The following MITF variants were observed in gnomAD, a reference collection of about 807,000 sequenced individuals.
MITF encodes the protein microphthalmia-associated transcription factor.
Under a neutral mutation model 60.5 loss-of-function variants are expected in MITF, and 17 were observed. The ratio of observed to expected loss-of-function variants is 0.28; its 90% CI spans 0.19 to 0.42. The LOEUF is 0.42. Ranked by LOEUF, MITF falls within the 10% of genes least tolerant of loss-of-function variation. MITF has a pLI of 1.00. For synonymous variants in MITF, 260 were observed against 248.5 expected (o/e 1.05, Z -0.43); for missense variants, 622 against 683.5 (o/e 0.91, Z 1.00).
chr3:69,937,045 G>A, intron 2 of MITF: 1 of 295,486 alleles, frequency 3.4e-6, no homozygotes, highest in Non-Finnish European at 6.2e-6. Context: ...CAAGAAAAAA[G>A]TGACTTAAAA....
At chr3:69,946,739 G>A (rs1179484846) in intron 5 of MITF, among the ~76,000 whole-genome samples, 1 of 152,188 alleles carries the variant, frequency 6.6e-6, no homozygotes, top group East Asian at 1.9e-4. Context: ...TCAACTGGAA[G>A]TAATGATGTC....
At chr3:69,881,148 T>C (rs1412083879) in intron 2 of MITF, among the ~76,000 whole-genome samples, 1 of 152,134 alleles carries the variant, frequency 6.6e-6, no homozygotes, top group Non-Finnish European at 1.5e-5. Flanking sequence ...TGTTGCTGTG[T>C]CCTGGTGACA....
chr3:69,895,810 G>GTT (rs1286162426), intron 2 of MITF, among the ~76,000 whole-genome samples: 2 of 97,494 alleles, frequency 2.1e-5, no homozygotes, highest in East Asian at 6.6e-4. Flanking sequence ...TGGAGTGTTT[G>GTT]TGTGTGTGTG....
intron 2 of MITF, among the ~76,000 whole-genome samples, chr3:69,909,386 C>G (rs776294294): frequency 6.6e-6 from 1 of 152,068 alleles, no homozygotes; most frequent in Non-Finnish European, 1.5e-5. Flanking sequence ...TGAAAATGGA[C>G]TAATAGAGTA....
intron 1 of MITF, among the ~76,000 whole-genome samples, chr3:69,822,485 T>G (rs1315816014): frequency 6.6e-6 from 1 of 152,098 alleles, no homozygotes; most frequent in Non-Finnish European, 1.5e-5. Context: ...ACTGGGGAAA[T>G]GAAGTGTAAA....
intron 2 of MITF, among the ~76,000 whole-genome samples, chr3:69,890,569 T>G (rs1302659974): frequency 6.6e-6 from 1 of 152,154 alleles, no homozygotes; most frequent in Non-Finnish European, 1.5e-5. Flanking sequence ...AAACTAGGTT[T>G]TTTTGGTGGG....
Position 69,778,240 on chromosome 3 carries a change from G to C in MITF, c.104+38539G>C, listed in dbSNP as rs891726383. Among the ~76,000 whole-genome samples the C allele has an allele frequency of 3.3e-5, 5 of 152,260 alleles. No individual in the cohort carries two copies. The East Asian group carries it at 9.7e-4, about 29-fold the overall frequency. Reference sequence around the variant, plus strand: ...GATGAGGCTCTTGGTAGACAAAACAGATTGGGGAGGATGAATATTAATTCT... The same window carrying C: ...GATGAGGCTCTTGGTAGACAAAACACATTGGGGAGGATGAATATTAATTCT... On this transcript the variant is annotated intron_variant, in intron 1 of 9. Transcript: ENST00000352241.
chr3:69,885,740 A>G (rs1230907330), intron 2 of MITF, among the ~76,000 whole-genome samples: 1 of 152,246 alleles, frequency 6.6e-6, no homozygotes, highest in East Asian at 1.9e-4. Flanking sequence ...ACTAATGAAT[A>G]AAAGATTGAG....
intron 2 of MITF, 77 bp from the exon 3 acceptor site, chr3:69,937,745 T>C: frequency 1.6e-6 from 2 of 1,229,352 alleles, no homozygotes; most frequent in Non-Finnish European, 2.4e-6. Context: ...CAGTTTCATG[T>C]TTGTGCCTGA....
At chr3:69,944,036 A>T (rs1242260976) in intron 5 of MITF, among the ~76,000 whole-genome samples, 2 of 152,140 alleles carry the variant, frequency 1.3e-5, no homozygotes, top group Admixed American at 6.6e-5. Context: ...CAAGGATGCA[A>T]TGAATCATGA....
intron 1 of MITF, among the ~76,000 whole-genome samples, chr3:69,876,454 CCTT>C (rs1029162096): frequency 6.6e-6 from 1 of 151,252 alleles, no homozygotes; most frequent in African/African-American, 2.4e-5. Flanking sequence ...TCACAGCTCT[CCTT>C]CTTTTCTTGG....
At chr3:69,753,329 G>C (rs1429096184) in intron 1 of MITF, among the ~76,000 whole-genome samples, 1 of 152,244 alleles carries the variant, frequency 6.6e-6, no homozygotes, top group African/African-American at 2.4e-5. Flanking sequence ...GAGGATGTAT[G>C]GAAAAACTTG....
chr3:69,938,678 T>C, intron 3 of MITF: 14 of 1,315,550 alleles, frequency 1.1e-5, no homozygotes, highest in Non-Finnish European at 1.4e-5. Flanking sequence ...TCAAGCTAAT[T>C]GGTGCATCAA....
At chr3:69,790,974 C>T (rs938923805) in intron 1 of MITF, among the ~76,000 whole-genome samples, 9 of 152,346 alleles carry the variant, frequency 5.9e-5, no homozygotes, top group Admixed American at 2.0e-4. Context: ...GGTGGATGCT[C>T]TGCGAGCTCC....
Position 69,888,815 on chromosome 3 carries a change from C to G in MITF, c.354+9432C>G, listed in dbSNP as rs540156867. ...CCCCCCTATTAACTTTGTTGCCTTT[C>G]CTTTTGCCCCATTCAGCATTTTACT... On this transcript the variant is annotated intron_variant, in intron 2 of 9. Transcript: ENST00000352241. Among the ~76,000 whole-genome samples the G allele has an allele frequency of 2.6e-5, 4 of 152,078 alleles. 1 individual carries two copies. The highest frequency in any genetic ancestry group is 9.6e-5 in the African/African-American group (4 of 41,516).
intron 1 of MITF, among the ~76,000 whole-genome samples, chr3:69,802,610 T>G (rs1424508369): frequency 6.6e-6 from 1 of 152,000 alleles, no homozygotes; most frequent in African/African-American, 2.4e-5. Context: ...ATTTGTGTAT[T>G]GAATCATTAT....
At chr3:69,894,324 T>C (rs2064824930) in intron 2 of MITF, among the ~76,000 whole-genome samples, 1 of 152,214 alleles carries the variant, frequency 6.6e-6, no homozygotes, top group Non-Finnish European at 1.5e-5. Flanking sequence ...CTCTAAGTGT[T>C]TTGATTCATT....
At position 69,794,727 on chromosome 3, in the gene MITF, C is replaced by A. The variant is rs570071734; in HGVS notation, c.104+55026C>A. Among the ~76,000 whole-genome samples the A allele has an allele frequency of 2.6e-5, 4 of 152,312 alleles. No individual in the cohort carries two copies. The East Asian group carries it at 7.7e-4, about 29-fold the overall frequency. The stretch of plus-strand genomic sequence containing the variant: ...GCCCAGGTCAAGAATTAGGACATTT[C>A]CAGCACAGTAGAAGATTCCCTTTTC... On this transcript the variant is annotated intron_variant, in intron 1 of 9. Transcript: ENST00000352241.
intron 1 of MITF, among the ~76,000 whole-genome samples, chr3:69,812,004 T>C (rs553728606): frequency 3.5e-4 from 53 of 152,220 alleles, no homozygotes; most frequent in Non-Finnish European, 4.7e-4. Flanking sequence ...TGTTTCCTTA[T>C]CATTCCTCCT....
Sources: gnomAD v4.1 joint callset for allele counts (sites outside exome capture counted in the v4.1 genomes callset) on GRCh38, gnomAD v4.1.1 for gene constraint, MANE v1.5 for transcripts, NCBI Gene and HGNC (gene_info 2026-07-23, HGNC 2026-07-21) for gene names.